The following PCCA variants were observed in gnomAD, a reference collection of about 807,000 sequenced individuals.
PCCA encodes propionyl-CoA carboxylase alpha chain, mitochondrial.
Under a neutral mutation model 101.3 loss-of-function variants are expected in PCCA, and 74 were observed. The observed-to-expected ratio is 0.73, with a 90% confidence interval of 0.61 to 0.89. The LOEUF is 0.89. PCCA is among the 40% of genes least tolerant of loss of function. PCCA has a pLI of 0.00. For synonymous variants in PCCA, 294 were observed against 313.6 expected (o/e 0.94, Z 0.66); for missense variants, 891 against 907.0 (o/e 0.98, Z 0.23).
chr13:100,186,725 T>G, intron 6 of PCCA, among the ~76,000 whole-genome samples: 1 of 122,226 alleles, frequency 8.2e-6, no homozygotes. Context: ...TGGGTGAGAG[T>G]GAGATTCCAT....
chr13:100,472,243 G>A (rs754414848), intron 21 of PCCA, among the ~76,000 whole-genome samples: 6 of 152,000 alleles, frequency 3.9e-5, no homozygotes, highest in Admixed American at 1.3e-4. Flanking sequence ...CTTTTCCACC[G>A]CAAGCATGTT....
At position 100,442,865 on chromosome 13, in the gene PCCA, T is replaced by C. The variant is rs575917380; in HGVS notation, c.1846-6387T>C. Among the ~76,000 whole-genome samples the C allele has an allele frequency of 6.6e-5, 10 of 151,902 alleles. No homozygotes were observed. The East Asian group carries it at 1.9e-3, about 29-fold the overall frequency. On this transcript the variant is annotated intron_variant, in intron 20 of 23. Transcript: ENST00000376285. ...CGTGCAGAAGTCTGGGGGAAGGAAG[T>C]CCCAGGTAGCAGAAGGGGCAAAGCA...
At chr13:100,189,970 T>C (rs2057625510) in intron 6 of PCCA, among the ~76,000 whole-genome samples, 1 of 152,220 alleles carries the variant, frequency 6.6e-6, no homozygotes, top group Non-Finnish European at 1.5e-5. Context: ...CAAATCCCTT[T>C]AGGGTTTTGT....
At chr13:100,366,055 T>C (rs920897702) in intron 18 of PCCA, among the ~76,000 whole-genome samples, 1 of 152,202 alleles carries the variant, frequency 6.6e-6, no homozygotes, top group Admixed American at 6.5e-5. Flanking sequence ...GTTAGGTTAA[T>C]AAAGATGTAA....
intron 10 of PCCA, among the ~76,000 whole-genome samples, chr13:100,266,861 G>T (rs932360508): frequency 2.6e-5 from 4 of 152,150 alleles, no homozygotes; most frequent in African/African-American, 9.7e-5. Flanking sequence ...TCAGGAAGCA[G>T]TATAGCTTAG....
intron 19 of PCCA, among the ~76,000 whole-genome samples, chr13:100,422,135 C>CTTTTTTTTTTTT (rs1232975466): frequency 2.9e-5 from 2 of 68,782 alleles, no homozygotes; most frequent in African/African-American, 6.3e-5. Context: ...TTCTTTCTTT[C>CTTTTTTTTTTTT]TTTTTTTTTT....
chr13:100,523,240 G>C (rs2087453882), intron 22 of PCCA, among the ~76,000 whole-genome samples: 1 of 152,180 alleles, frequency 6.6e-6, no homozygotes, highest in Non-Finnish European at 1.5e-5. Flanking sequence ...TCAGAAATAA[G>C]AAGTGGTTTA....
chr13:100,169,746 C>T (rs1482173356), intron 6 of PCCA, among the ~76,000 whole-genome samples: 1 of 149,322 alleles, frequency 6.7e-6, no homozygotes, highest in Non-Finnish European at 1.5e-5. Flanking sequence ...TGTTGCCCAG[C>T]TGGAGTGCAA....
At chr13:100,481,394 C>T (rs1486710212) in intron 21 of PCCA, among the ~76,000 whole-genome samples, 1 of 152,020 alleles carries the variant, frequency 6.6e-6, no homozygotes, top group African/African-American at 2.4e-5. Context: ...TCTGCCTCTA[C>T]AAAAAACACA....
chr13:100,255,816 T>C (rs112875095), intron 8 of PCCA, among the ~76,000 whole-genome samples: 1 of 152,334 alleles, frequency 6.6e-6, no homozygotes, highest in African/African-American at 2.4e-5. Flanking sequence ...AATCAAAGCA[T>C]GCACAATCTT....
chr13:100,372,530 A>G (rs1204454474), intron 19 of PCCA, among the ~76,000 whole-genome samples: 2 of 152,212 alleles, frequency 1.3e-5, no homozygotes, highest in African/African-American at 4.8e-5. Context: ...ATATTTTCCC[A>G]GAATTTTCAT....
intron 12 of PCCA, among the ~76,000 whole-genome samples, chr13:100,298,053 A>G (rs2065695172): frequency 6.6e-6 from 1 of 150,650 alleles, no homozygotes. Flanking sequence ...CTAATACGTT[A>G]ACAATGCAAA....
At chr13:100,157,246 A>G (rs1486761781) in intron 5 of PCCA, 41 bp from the exon 6 acceptor site, 3 of 1,415,970 alleles carry the variant, frequency 2.1e-6, no homozygotes, top group Non-Finnish European at 3.0e-6. Flanking sequence ...AGCTTTTGCA[A>G]TATGATAAAA....
Position 100,469,211 on chromosome 13 carries a change from C to CAAAAAA in PCCA, c.1899+19917_1899+19922dup, listed in dbSNP as rs534361898. Among the ~76,000 whole-genome samples the CAAAAAA allele has an allele frequency of 2.0e-3, 129 of 65,040 alleles. 4 individuals are homozygous for CAAAAAA. Among genetic ancestry groups the CAAAAAA allele is most frequent in the African/African-American group, 4.7e-3 (82 of 17,564 alleles). The allele number at this position is 65,040 out of a possible 152,430, so 42.7% of individuals were successfully genotyped here. A position where few individuals can be genotyped will look rare whatever the true frequency, so the allele number is the denominator to read the frequency against. On this transcript the variant is annotated intron_variant, in intron 21 of 23. Coordinates refer to ENST00000376285, the MANE Select transcript of PCCA (RefSeq NM_000282.4). Reference sequence around the variant, plus strand: ...GGGCAACAAGAGTGAAACTCCGTCTCAAAAAAAAAAAAAAAAGAATCCCTT... The same window carrying CAAAAAA: ...GGGCAACAAGAGTGAAACTCCGTCTCAAAAAAAAAAAAAAAAAAAAAAGAATCCCTT...
chr13:100,201,871 A>C (rs1302767124), intron 6 of PCCA, among the ~76,000 whole-genome samples: 1 of 150,460 alleles, frequency 6.6e-6, no homozygotes, highest in Non-Finnish European at 1.5e-5. Context: ...AAAAAAAAAA[A>C]AAAAAAAAAA....
At chr13:100,527,446 A>C in intron 22 of PCCA, 1 of 564,306 alleles carries the variant, frequency 1.8e-6, no homozygotes, top group African/African-American at 1.9e-5. Flanking sequence ...CCACTTCTCC[A>C]GGGTCAGGGA....
rs56412431 is a variant in PCCA, at chr13:100,229,770, G to C, written c.601-6072G>C. Among the ~76,000 whole-genome samples the C allele has an allele frequency of 9.4e-3, 1,432 of 152,286 alleles. 16 individuals carry two copies. The highest frequency in any genetic ancestry group is 0.014 in the Middle Eastern group (4 of 294). ...TGTCTCCTTTGTTCAATGTACTCTC[G>C]TGGCAAAACTGCTGGCGAATGTACC... On this transcript the variant is annotated intron_variant, in intron 7 of 23. Coordinates refer to ENST00000376285, the MANE Select transcript of PCCA (RefSeq NM_000282.4).
intron 12 of PCCA, 70 bp from the exon 13 acceptor site, chr13:100,301,390 A>G: frequency 6.4e-7 from 1 of 1,572,456 alleles, no homozygotes; most frequent in Non-Finnish European, 8.7e-7. Context: ...AACTTTTGTG[A>G]TTTTTCTTGT....
chr13:100,460,818 C>G (rs904567001), intron 21 of PCCA, among the ~76,000 whole-genome samples: 3 of 152,156 alleles, frequency 2.0e-5, no homozygotes, highest in African/African-American at 7.2e-5. Flanking sequence ...TTTTGAACTC[C>G]ATCAGTTTAA....
Sources: gnomAD v4.1 joint callset for allele counts (sites outside exome capture counted in the v4.1 genomes callset) on GRCh38, gnomAD v4.1.1 for gene constraint, MANE v1.5 for transcripts, NCBI Gene and HGNC (gene_info 2026-07-23, HGNC 2026-07-21) for gene names.